EDDM13: variants seen among roughly 807,000 people sequenced by gnomAD.
EDDM13 encodes the protein epididymal protein 13.
A neutral mutation model predicts 17.8 loss-of-function variants in EDDM13; 24 were observed. The observed-to-expected ratio is 1.35, with a 90% CI of 0.98 to 1.90. The LOEUF (loss-of-function observed/expected upper bound fraction) is 1.90, where lower values mean the gene tolerates loss of function less well. Among genes scored for constraint, EDDM13 ranks in the 40% most tolerant of loss-of-function variants. The pLI is 0.00. For missense variants in EDDM13, 97 were observed against 100.8 expected (o/e 0.96, Z 0.16); for synonymous variants, 31 against 37.5 (o/e 0.83, Z 0.63).
rs199788303 is a variant in EDDM13, at chr19:56,275,980, C to T, written c.86-112C>T. 4.7e-4 allele frequency among the ~76,000 whole-genome samples: 71 copies of T among 152,288 alleles called. 1 individual carries two copies. Among genetic ancestry groups the T allele is most frequent in the African/African-American group, 1.6e-3 (67 of 41,556 alleles). ...GAGTGGGTCAGCTGATCTCCAGGGACACTTCTATCTCTGGTCTTCTTGGTT... is the reference window on the plus strand; with the variant it reads ...GAGTGGGTCAGCTGATCTCCAGGGATACTTCTATCTCTGGTCTTCTTGGTT... On this transcript the variant is annotated intron_variant, in intron 1 of 14. Transcript: ENST00000649256.
chr19:56,301,646 G>A (rs1433016162), intron 12 of EDDM13, among the ~76,000 whole-genome samples: 1 of 152,100 alleles, frequency 6.6e-6, no homozygotes, highest in African/African-American at 2.4e-5. Context: ...ATTTTACCCA[G>A]CCCCTATTCA....
At chr19:56,273,031 C>A in intron 1 of EDDM13, 112 bp downstream of exon 1, 2 of 287,852 alleles carry the variant, frequency 6.9e-6, no homozygotes, top group Non-Finnish European at 1.0e-5. Context: ...CTTCTTCTTG[C>A]TTCCCATTTA....
At chr19:56,273,697 CAGA>C (rs1331666947) in intron 1 of EDDM13, among the ~76,000 whole-genome samples, 2 of 151,870 alleles carry the variant, frequency 1.3e-5, no homozygotes, top group Non-Finnish European at 1.5e-5. Context: ...ACGTGGTAGG[CAGA>C]AGGAGGGGCA....
intron 9 of EDDM13, among the ~76,000 whole-genome samples, chr19:56,295,600 C>CA (rs1484323430): frequency 1.3e-5 from 2 of 151,962 alleles, no homozygotes; most frequent in Admixed American, 6.6e-5. Context: ...GTCTAAAAAA[C>CA]AAAAAACAAA....
chr19:56,303,472 A>G (rs1196824218), intron 13 of EDDM13, among the ~76,000 whole-genome samples: 1 of 151,634 alleles, frequency 6.6e-6, no homozygotes, highest in Non-Finnish European at 1.5e-5. Context: ...TGTCTCAAAA[A>G]ATTAAAGTAA....
intron 13 of EDDM13, among the ~76,000 whole-genome samples, chr19:56,303,719 A>C (rs937056150): frequency 6.6e-6 from 1 of 152,148 alleles, no homozygotes; most frequent in Non-Finnish European, 1.5e-5. Flanking sequence ...GGAGGACTGC[A>C]GAGAAACAAG....
chr19:56,302,563 C>CT (rs150005575), intron 13 of EDDM13, among the ~76,000 whole-genome samples: 5,436 of 92,798 alleles, frequency 0.059, 312 homozygotes, highest in African/African-American at 0.13. Context: ...CTCCCTCCCC[C>CT]CTTCCTTTTC....
intron 8 of EDDM13, among the ~76,000 whole-genome samples, chr19:56,289,292 G>A (rs1398045400): frequency 1.3e-5 from 2 of 151,990 alleles, no homozygotes; most frequent in Non-Finnish European, 2.9e-5. Context: ...TTTTTTATTT[G>A]GTGTAGAAAT....
chr19:56,303,090 T>C (rs1488586314), intron 13 of EDDM13: 2 of 388,868 alleles, frequency 5.1e-6, no homozygotes, highest in African/African-American at 4.1e-5. Context: ...AAGGACAGAA[T>C]GGAATTAGCC....
chr19:56,297,655 T>C, intron 12 of EDDM13, 124 bp downstream of exon 12: 1 of 443,702 alleles, frequency 2.3e-6, no homozygotes, highest in Non-Finnish European at 3.0e-6. Context: ...CTTTGGTACC[T>C]GAGAGGCTGC....
At chr19:56,303,073 G>A (rs913295141) in intron 13 of EDDM13, 32 of 393,038 alleles carry the variant, frequency 8.1e-5, no homozygotes, top group African/African-American at 5.6e-4. Flanking sequence ...CACCTCTGCT[G>A]TGGGTTAAGG....
intron 6 of EDDM13, among the ~76,000 whole-genome samples, chr19:56,287,464 A>T (rs1033532598): frequency 2.0e-5 from 3 of 152,156 alleles, no homozygotes; most frequent in South Asian, 2.1e-4. Context: ...TAACAAGCAC[A>T]ATAATTCAGT....
chr19:56,273,438 C>T (rs370518228), intron 1 of EDDM13, among the ~76,000 whole-genome samples: 5 of 151,802 alleles, frequency 3.3e-5, no homozygotes, highest in South Asian at 2.1e-4. Context: ...GTTCTTTCCA[C>T]GGGCTTGATG....
chr19:56,301,413 AGCCTGCTAAT>A (rs941979294), intron 12 of EDDM13, among the ~76,000 whole-genome samples: 3 of 152,132 alleles, frequency 2.0e-5, no homozygotes, highest in African/African-American at 7.2e-5. Context: ...CGTGTCTCTT[AGCCTGCTAAT>A]GCATTATAAT....
chr19:56,302,587 T>TC (rs1568726690), intron 13 of EDDM13, among the ~76,000 whole-genome samples: 7 of 34,348 alleles, frequency 2.0e-4, no homozygotes, highest in African/African-American at 1.5e-3. Context: ...CTCCCCCTTT[T>TC]CTTCCTCTCC....
At position 56,272,869 on chromosome 19, in the gene EDDM13, T is replaced by C; in HGVS notation, c.35T>C (p.Leu12Pro). ...HRSEPFLKMS[L>P]LILLFLGLAE... Reference sequence around the variant, plus strand: ...TCAGAGCCATTTCTGAAAATGTCGCTGCTGATTCTGCTTTTCCTGGGATTG... The same window carrying C: ...TCAGAGCCATTTCTGAAAATGTCGCCGCTGATTCTGCTTTTCCTGGGATTG... The change falls in exon 1 of 15, where the codon CTG (leucine) becomes CCG (proline). Residue 12 changes from leucine to proline, a missense_variant. Coordinates refer to ENST00000649256, the MANE Select transcript of EDDM13 (RefSeq NM_001354658.2). The C allele has an allele frequency of 2.0e-6, 2 of 985,438 alleles. No homozygotes were observed. The highest frequency in any genetic ancestry group is 2.4e-6 in the Non-Finnish European group (2 of 829,940). 61.0% of individuals were successfully genotyped at this position (985,438 alleles called of 1,614,324 possible). A position where few individuals can be genotyped will look rare whatever the true frequency, so the allele number is the denominator to read the frequency against.
intron 13 of EDDM13, among the ~76,000 whole-genome samples, chr19:56,302,580 CCCCTTTTCTTCCT>C (rs2040377920): frequency 1.3e-5 from 1 of 77,768 alleles, no homozygotes; most frequent in Non-Finnish European, 2.3e-5. Context: ...TTTCTTCCTC[CCCCTTTTCTTCCT>C]CTCCCTCTTC....
intron 14 of EDDM13, 81 bp downstream of exon 14, chr19:56,304,911 A>C (rs1007292103): frequency 2.1e-6 from 1 of 474,874 alleles, no homozygotes; most frequent in African/African-American, 2.1e-5. Context: ...CTGGCATTTG[A>C]GGTAAGGAAC....
chr19:56,273,717 T>C (rs572066480), intron 1 of EDDM13, among the ~76,000 whole-genome samples: 8 of 151,852 alleles, frequency 5.3e-5, no homozygotes, highest in African/African-American at 1.9e-4. Flanking sequence ...GGCATGGTGG[T>C]GAGACTGTTA....
Sources: allele counts gnomAD v4.1 joint callset (sites outside exome capture counted in the v4.1 genomes callset), GRCh38; gene constraint gnomAD v4.1.1; transcripts MANE v1.5; gene names NCBI Gene and HGNC (gene_info 2026-07-23, HGNC 2026-07-21).